FGGY: variants seen among roughly 807,000 people sequenced by gnomAD.
FGGY encodes FGGY carbohydrate kinase domain containing.
In FGGY, 72 loss-of-function variants were observed where a neutral mutation model predicts 71.3. The observed-to-expected ratio is 1.01, with a 90% CI of 0.84 to 1.23. FGGY has a LOEUF of 1.23. Among genes scored for constraint, FGGY ranks in the 50% most tolerant of loss-of-function variants. The pLI is 0.00. For synonymous variants in FGGY, 251 were observed against 250.3 expected (o/e 1.00, Z -0.02); for missense variants, 668 against 682.3 (o/e 0.98, Z 0.23).
intron 2 of FGGY, among the ~76,000 whole-genome samples, chr1:59,325,029 A>G (rs2047128600): frequency 6.6e-6 from 1 of 152,182 alleles, no homozygotes; most frequent in Admixed American, 6.5e-5. Context: ...CTCTTCTCTT[A>G]ACTTCCTCAC....
chr1:59,594,445 A>G (rs1015602033), intron 8 of FGGY, among the ~76,000 whole-genome samples: 3 of 152,212 alleles, frequency 2.0e-5, no homozygotes, highest in African/African-American at 7.2e-5. Context: ...CACGGGAAGA[A>G]GCCAAGATTC....
At chr1:59,599,061 A>G (rs953399592) in intron 8 of FGGY, among the ~76,000 whole-genome samples, 4 of 152,034 alleles carry the variant, frequency 2.6e-5, no homozygotes, top group African/African-American at 9.7e-5. Context: ...GGCTTTTCAG[A>G]GGAGATAACA....
rs552469371 is a variant in FGGY at position 59,619,208 on chromosome 1, T to C, written c.1012-6780T>C. Among the ~76,000 whole-genome samples the C allele has an allele frequency of 5.1e-4, 78 of 152,186 alleles. 1 individual carries two copies. In the South Asian group the frequency reaches 0.016, roughly 31 times the overall value. On this transcript the variant is annotated intron_variant, in intron 9 of 15. Coordinates refer to ENST00000303721, the MANE Select transcript of FGGY (RefSeq NM_018291.5). ...GCCAGTATTTACGGAGTGCTTACTA[T>C]ATTTGAGGTACTGTTCTGAGTGAGA...
chr1:59,538,608 T>C (rs1189581252), intron 7 of FGGY, among the ~76,000 whole-genome samples: 2 of 149,806 alleles, frequency 1.3e-5, no homozygotes, highest in Admixed American at 6.6e-5. Flanking sequence ...TGTCCAACAA[T>C]GATAGACTGG....
At chr1:59,565,485 C>T (rs931682407) in intron 8 of FGGY, among the ~76,000 whole-genome samples, 10 of 152,276 alleles carry the variant, frequency 6.6e-5, no homozygotes, top group Non-Finnish European at 1.5e-4. Context: ...GGGGTTTCAC[C>T]GCGTTAGCCA....
intron 13 of FGGY, 87 bp downstream of exon 13, chr1:59,667,490 G>A: frequency 6.9e-7 from 1 of 1,446,066 alleles, no homozygotes; most frequent in Non-Finnish European, 9.5e-7. Flanking sequence ...GAGAATAGGA[G>A]GATATATGCG....
In FGGY at chr1:59,456,999, C is replaced by T. The variant is rs775418973; in HGVS notation, c.593C>T (p.Ala198Val). ...CTGGTGTGTAAGTGGACATATTCAG[C>T]AGAGAAAGGCTGGGACGACAGTTTC... The part of the protein sequence containing the change: ...CSLVCKWTYS[A>V]EKGWDDSFWK... Residue 198 changes from alanine (A) to valine (V), a missense_variant, in exon 6 of 16, where the codon GCA becomes GTA. Around this residue, in one of 2 missense-constraint regions of FGGY, gnomAD observed 661 missense variants for 661.6 expected, o/e 1.00. Transcript: ENST00000303721. 4 of 1,613,924 alleles carry T rather than the reference C, an allele frequency of 2.5e-6. No homozygotes were observed. Among genetic ancestry groups the T allele is most frequent in the South Asian group, 1.1e-5 (1 of 91,086 alleles).
At chr1:59,337,971 T>C (rs1570596751) in intron 2 of FGGY, among the ~76,000 whole-genome samples, 2 of 152,224 alleles carry the variant, frequency 1.3e-5, no homozygotes, top group Non-Finnish European at 2.9e-5. Flanking sequence ...CCATTAAGTA[T>C]GATGTTAGCT....
chr1:59,403,650 G>T (rs1390979973), intron 5 of FGGY, among the ~76,000 whole-genome samples: 3 of 152,174 alleles, frequency 2.0e-5, no homozygotes, highest in African/African-American at 7.2e-5. Flanking sequence ...GAAAGACCTT[G>T]GTGCATCCAC....
chr1:59,431,631 G>T lies in FGGY; in HGVS notation c.555-25330G>T, dbSNP rs184946559. Among the ~76,000 whole-genome samples the T allele has an allele frequency of 3.5e-4, 53 of 152,286 alleles. 1 individual carries two copies. Among genetic ancestry groups the T allele is most frequent in the Admixed American group, 2.9e-3 (45 of 15,290 alleles). On this transcript the variant is annotated intron_variant, in intron 5 of 15. Coordinates refer to ENST00000303721, the MANE Select transcript of FGGY (RefSeq NM_018291.5). ...TGTGCTTAACATGATGCCCCTTTCTGCATGATCCAAAGTGGCTTTCAACCA... is the reference window on the plus strand; with the variant it reads ...TGTGCTTAACATGATGCCCCTTTCTTCATGATCCAAAGTGGCTTTCAACCA...
chr1:59,404,468 T>G (rs1311319768), intron 5 of FGGY, among the ~76,000 whole-genome samples: 1 of 152,146 alleles, frequency 6.6e-6, no homozygotes, highest in Non-Finnish European at 1.5e-5. Flanking sequence ...AATTATTTAG[T>G]AGGGTATAGA....
chr1:59,437,291 A>C (rs1374178424), intron 5 of FGGY, among the ~76,000 whole-genome samples: 1 of 152,198 alleles, frequency 6.6e-6, no homozygotes, highest in Non-Finnish European at 1.5e-5. Flanking sequence ...AGTCAACCAG[A>C]ATATAAAAAG....
intron 5 of FGGY, among the ~76,000 whole-genome samples, chr1:59,421,305 TA>T (rs935663554): frequency 2.6e-5 from 4 of 152,224 alleles, no homozygotes; most frequent in African/African-American, 9.6e-5. Context: ...ATGATGATAT[TA>T]AGGAATTATT....
intron 5 of FGGY, among the ~76,000 whole-genome samples, chr1:59,413,534 T>G (rs948901525): frequency 6.6e-6 from 1 of 152,154 alleles, no homozygotes; most frequent in Non-Finnish European, 1.5e-5. Context: ...TGCTTAGAGA[T>G]TCTCAGTGCA....
intron 14 of FGGY, among the ~76,000 whole-genome samples, chr1:59,735,476 T>C (rs2101063307): frequency 6.6e-6 from 1 of 152,334 alleles, no homozygotes; most frequent in South Asian, 2.1e-4. Context: ...ATGAGAGCAT[T>C]CTCAGACCTG....
At chr1:59,478,230 TC>T (rs1443113245) in intron 6 of FGGY, among the ~76,000 whole-genome samples, 2 of 152,324 alleles carry the variant, frequency 1.3e-5, no homozygotes, top group Admixed American at 1.3e-4. Flanking sequence ...TCTTAGTTGT[TC>T]TGAGTAATTA....
intron 14 of FGGY, among the ~76,000 whole-genome samples, chr1:59,739,047 G>A (rs2098127101): frequency 6.6e-6 from 1 of 152,358 alleles, no homozygotes; most frequent in East Asian, 1.9e-4. Flanking sequence ...CAGACATGGA[G>A]TGGGGAACAG....
intron 4 of FGGY, among the ~76,000 whole-genome samples, chr1:59,348,380 C>A (rs147554825): frequency 2.6e-3 from 398 of 152,306 alleles, no homozygotes; most frequent in African/African-American, 8.2e-3. Flanking sequence ...AATGATATGG[C>A]AATCTCTGGT....
chr1:59,336,691 T>G (rs916506480), intron 2 of FGGY, among the ~76,000 whole-genome samples: 1 of 152,028 alleles, frequency 6.6e-6, no homozygotes, highest in African/African-American at 2.4e-5. Flanking sequence ...GCCCTCCCTG[T>G]GTCCATGTGT....
Sources: gnomAD v4.1 joint callset for allele counts (sites outside exome capture counted in the v4.1 genomes callset) on GRCh38, gnomAD v4.1.1 for gene constraint, gnomAD v4.1.1 regional missense constraint, MANE v1.5 for transcripts, NCBI Gene and HGNC (gene_info 2026-07-23, HGNC 2026-07-21) for gene names.